The following CCDC170 variants were observed in gnomAD, a reference collection of about 807,000 sequenced individuals.
CCDC170 encodes the protein coiled-coil domain containing 170.
A neutral mutation model predicts 72.6 loss-of-function variants in CCDC170; 69 were observed. The ratio of observed to expected loss-of-function variants is 0.95; its 90% confidence interval spans 0.78 to 1.16. The LOEUF (loss-of-function observed/expected upper bound fraction) is 1.16. Among genes scored for constraint, CCDC170 ranks in the 50% most tolerant of loss-of-function variants. The pLI is 0.00. For synonymous variants in CCDC170, 300 were observed against 303.9 expected, an observed-to-expected ratio of 0.99 and a Z score of 0.13; for missense variants, 852 against 832.5, an observed-to-expected ratio of 1.02 and a Z score of -0.29.
Position 151,617,958 on chromosome 6 carries a change from C to T in CCDC170, c.1959C>T (p.Phe653=). ...AEKREKQLAD[F]REVVSQMLGL... ...GTTTGATATTGCAGCTGGCAGACTT[C>T]AGGGAGGTGGTGTCGCAGATGCTAG... Residue 653 remains phenylalanine (F), a synonymous_variant, in exon 11 of 11, where the codon TTC becomes TTT. Coordinates refer to ENST00000239374, the MANE Select transcript of CCDC170 (RefSeq NM_025059.4). 1.2e-6 allele frequency: 2 copies of T among 1,613,524 alleles called. No individual in the cohort carries two copies. The highest frequency in any genetic ancestry group is 1.7e-6 in the Non-Finnish European group (2 of 1,179,632).
Position 151,596,563 on chromosome 6 carries a change from A to G in CCDC170, c.1696A>G (p.Thr566Ala). The G allele has an allele frequency of 6.2e-7, 1 of 1,614,086 alleles. No individual in the cohort carries two copies. Among genetic ancestry groups the G allele is most frequent in the Non-Finnish European group, 8.5e-7 (1 of 1,179,968 alleles). Residue 566 changes from threonine to alanine, a missense_variant, in exon 9 of 11, where the codon ACC becomes GCC. Thr to Ala is a moderately conservative substitution (Grantham distance 58). Transcript: ENST00000239374. ...HTELKAKLAD[T>A]NELKIKTLEQ... The stretch of plus-strand genomic sequence containing the variant: ...CGAGCTCAAAGCCAAACTGGCCGAC[A>G]CCAATGAACTGAAGGCAAGTGCTTG...
Position 151,557,593 on chromosome 6 carries a change from G to GT in CCDC170, c.774+9111dup, listed in dbSNP as rs1439801457. ...TGGATGTGTGGTATTTACATTTTTA[G>GT]TTTTTTTAAGAAATCTCCATACTGT... On this transcript the variant is annotated intron_variant, in intron 5 of 10. Transcript: ENST00000239374. 8.5e-5 allele frequency among the ~76,000 whole-genome samples: 13 copies of GT among 152,108 alleles called. No homozygotes were observed. The South Asian group carries it at 1.0e-3, about 12-fold the overall frequency.
chr6:151,606,058 C>A (rs1409975797), intron 9 of CCDC170, among the ~76,000 whole-genome samples: 1 of 151,948 alleles, frequency 6.6e-6, no homozygotes, highest in Non-Finnish European at 1.5e-5. Context: ...CGTGCCATTA[C>A]GCCTGGCTAA....
At chr6:151,604,745 C>T (rs769148778) in intron 9 of CCDC170, among the ~76,000 whole-genome samples, 3 of 152,094 alleles carry the variant, frequency 2.0e-5, no homozygotes, top group Non-Finnish European at 4.4e-5. Flanking sequence ...CTTAGTTACA[C>T]CTTTTTCTTT....
chr6:151,561,952 T>C lies in CCDC170; in HGVS notation c.775-11222T>C, dbSNP rs370692219. On this transcript the variant is annotated intron_variant, in intron 5 of 10. Coordinates refer to ENST00000239374, the MANE Select transcript of CCDC170 (RefSeq NM_025059.4). ...AAAATTTTATTTTTGTCTGACTTGG[T>C]TAATTAGAAAGACTGGTTGTCAAGA... Among the ~76,000 whole-genome samples the C allele has an allele frequency of 1.6e-4, 25 of 152,304 alleles. 1 individual carries two copies. The East Asian group carries it at 4.4e-3, about 27-fold the overall frequency.
chr6:151,502,642 A>T (rs1034949174), intron 1 of CCDC170, among the ~76,000 whole-genome samples: 1 of 152,206 alleles, frequency 6.6e-6, no homozygotes, highest in African/African-American at 2.4e-5. Context: ...TTATTGTTGA[A>T]ATCTTATGAA....
At chr6:151,535,121 A>C (rs953924771) in intron 1 of CCDC170, among the ~76,000 whole-genome samples, 1 of 152,238 alleles carries the variant, frequency 6.6e-6, no homozygotes, top group African/African-American at 2.4e-5. Flanking sequence ...TCTGCTCTGC[A>C]GGTGTGTTTA....
At chr6:151,538,953 C>T (rs992843794) in intron 3 of CCDC170, among the ~76,000 whole-genome samples, 6 of 152,082 alleles carry the variant, frequency 3.9e-5, no homozygotes, top group African/African-American at 1.4e-4. Context: ...CCACTTACAG[C>T]AAAAACTCCT....
At chr6:151,558,232 G>GGT (rs1783018050) in intron 5 of CCDC170, among the ~76,000 whole-genome samples, 9 of 70,876 alleles carry the variant, frequency 1.3e-4, no homozygotes, top group African/African-American at 4.1e-4. Flanking sequence ...TGAGATTAGT[G>GGT]TTTTTTTTTT....
intron 6 of CCDC170, 45 bp from the exon 7 acceptor site, chr6:151,585,844 G>C: frequency 6.3e-7 from 1 of 1,576,980 alleles, no homozygotes; most frequent in Non-Finnish European, 8.7e-7. Flanking sequence ...ACACTTCCTT[G>C]CATCTGAAAC....
At chr6:151,616,766 C>T (rs988112797) in intron 10 of CCDC170, among the ~76,000 whole-genome samples, 15 of 152,128 alleles carry the variant, frequency 9.9e-5, no homozygotes, top group Non-Finnish European at 1.5e-5. Context: ...CTGGTGAGCA[C>T]AGCACAGCTT....
intron 1 of CCDC170, among the ~76,000 whole-genome samples, chr6:151,526,662 G>A (rs1782415730): frequency 6.7e-6 from 1 of 150,300 alleles, no homozygotes; most frequent in Non-Finnish European, 1.5e-5. Flanking sequence ...ATTATGGCGT[G>A]AGTCACGGCC....
intron 9 of CCDC170, among the ~76,000 whole-genome samples, chr6:151,614,957 C>T (rs1776934404): frequency 6.6e-6 from 1 of 152,148 alleles, no homozygotes; most frequent in African/African-American, 2.4e-5. Flanking sequence ...TGAAAAACTG[C>T]CCATCTATAT....
In CCDC170 at chr6:151,494,165, G is replaced by T; in HGVS notation, c.37G>T (p.Ala13Ser). Residue 13 changes from alanine (A) to serine (S), a missense_variant, in exon 1 of 11, where the codon GCC (alanine) becomes TCC (serine). Physicochemically the swap from Ala to Ser is moderately conservative, Grantham distance 99 (BLOSUM62 1). Coordinates refer to ENST00000239374, the MANE Select transcript of CCDC170 (RefSeq NM_025059.4). ...CTGCACCAGCCATATCGCGCTGGGT[G>T]CCGCTTCGCCAGCGCCCGAGGTACG... ...LDCTSHIALG[A>S]ASPAPEETYD... The T allele has an allele frequency of 6.6e-7, 1 of 1,523,364 alleles. No individual in the cohort carries two copies. The allele number at this position is 1,523,364 out of a possible 1,614,324, so 94.4% of individuals were successfully genotyped here. A position where few individuals can be genotyped will look rare whatever the true frequency, so the allele number is the denominator to read the frequency against.
intron 5 of CCDC170, among the ~76,000 whole-genome samples, chr6:151,568,014 G>C (rs1183069653): frequency 6.8e-6 from 1 of 147,132 alleles, no homozygotes; most frequent in Non-Finnish European, 1.5e-5. Context: ...GTAGGCTGAG[G>C]CAGGAGAATC....
chr6:151,547,952 G>A (rs1257808718), intron 4 of CCDC170, among the ~76,000 whole-genome samples: 1 of 152,230 alleles, frequency 6.6e-6, no homozygotes. Context: ...ACTGCAGAAG[G>A]TCTGAGTGGA....
At position 151,596,470 on chromosome 6, in the gene CCDC170, A is replaced by C; in HGVS notation, c.1603A>C (p.Ile535Leu). The C allele has an allele frequency of 6.2e-7, 1 of 1,614,142 alleles. No homozygotes were observed. Among genetic ancestry groups the C allele is most frequent in the Non-Finnish European group, 8.5e-7 (1 of 1,180,016 alleles). The change falls in exon 9 of 11, where the codon ATC becomes CTC. Residue 535 changes from isoleucine (I) to leucine (L), a missense_variant. Ile to Leu is a conservative substitution (Grantham distance 5). Transcript: ENST00000239374. ...TGAGAGGGACAACGCGCATCTTACC[A>C]TCAGGAACTTGCAGAAGAAGGTGGA... ...VVERDNAHLT[I>L]RNLQKKVERL...
chr6:151,519,123 T>C (rs2115031981), intron 1 of CCDC170, among the ~76,000 whole-genome samples: 2 of 152,266 alleles, frequency 1.3e-5, no homozygotes, highest in South Asian at 4.1e-4. Context: ...TTCCCCACCC[T>C]AATAAGCCTG....
Position 151,565,970 on chromosome 6 carries a change from G to C in CCDC170, c.775-7204G>C, listed in dbSNP as rs185490357. 2.6e-3 allele frequency among the ~76,000 whole-genome samples: 394 copies of C among 152,216 alleles called. 4 individuals are homozygous for C. The highest frequency in any genetic ancestry group is 3.1e-3 in the Non-Finnish European group (209 of 68,010). ...TTACAATTTCCAGATGGGAACTGTC[G>C]GTGGTTGTCCAAGCACAGTCTGATC... On this transcript the variant is annotated intron_variant, in intron 5 of 10. Transcript: ENST00000239374.
Sources: allele counts gnomAD v4.1 joint callset (sites outside exome capture counted in the v4.1 genomes callset), GRCh38; gene constraint gnomAD v4.1.1; transcripts MANE v1.5; gene names NCBI Gene and HGNC (gene_info 2026-07-23, HGNC 2026-07-21).